The following ZNRF1 variants were observed in gnomAD, a reference collection of about 807,000 sequenced individuals.
ZNRF1 encodes the protein E3 ubiquitin-protein ligase ZNRF1.
A neutral mutation model predicts 18.4 loss-of-function variants in ZNRF1; 3 were observed. That is an observed-to-expected ratio of 0.16 (90% CI 0.07 to 0.42). The LOEUF is 0.42. Ranked by LOEUF, ZNRF1 falls within the 10% of genes least tolerant of loss-of-function variation. The probability of loss-of-function intolerance (pLI) is 0.99; values close to 1 mark genes in which losing one functional copy is unlikely to be tolerated. For missense variants in ZNRF1, 310 were observed against 329.8 expected (o/e 0.94, Z 0.47); for synonymous variants, 157 against 144.2 (o/e 1.09, Z -0.64).
chr16:75,071,975 G>A (rs1246185975), intron 1 of ZNRF1, among the ~76,000 whole-genome samples: 1 of 152,012 alleles, frequency 6.6e-6, no homozygotes, highest in Non-Finnish European at 1.5e-5. Flanking sequence ...TTGAGATAAG[G>A]TCTTTCCAGC....
intron 1 of ZNRF1, among the ~76,000 whole-genome samples, chr16:75,032,688 T>A (rs1349368505): frequency 6.6e-6 from 1 of 152,136 alleles, no homozygotes; most frequent in South Asian, 2.1e-4. Flanking sequence ...TATAAAAATG[T>A]CTTACAACTC....
chr16:75,076,642 A>G (rs1597897927), intron 1 of ZNRF1, among the ~76,000 whole-genome samples: 1 of 146,492 alleles, frequency 6.8e-6, no homozygotes, highest in African/African-American at 2.5e-5. Context: ...ACAGTTTTCA[A>G]TGGTTTCCCA....
chr16:75,057,724 C>G (rs182591566), intron 1 of ZNRF1, among the ~76,000 whole-genome samples: 5 of 152,346 alleles, frequency 3.3e-5, no homozygotes, highest in African/African-American at 7.2e-5. Context: ...CAACTTCCGT[C>G]TCCCGGGTTC....
At chr16:75,101,352 A>C (rs1217067744) in intron 2 of ZNRF1, among the ~76,000 whole-genome samples, 1 of 152,204 alleles carries the variant, frequency 6.6e-6, no homozygotes, top group Non-Finnish European at 1.5e-5. Flanking sequence ...TCAAGAGATC[A>C]AGACCATCCT....
intron 1 of ZNRF1, among the ~76,000 whole-genome samples, chr16:75,060,142 C>G (rs7187514): frequency 0.02 from 3,002 of 152,202 alleles, 126 homozygotes; most frequent in African/African-American, 0.069. Flanking sequence ...CAACCTCCGC[C>G]TCACAGGTTC....
chr16:75,024,763 A>G (rs547579481), intron 1 of ZNRF1, among the ~76,000 whole-genome samples: 32 of 152,336 alleles, frequency 2.1e-4, no homozygotes, highest in African/African-American at 6.5e-4. Flanking sequence ...CCAAATCAGT[A>G]TTTTCTGTCT....
At chr16:75,036,919 T>A (rs1484869063) in intron 1 of ZNRF1, among the ~76,000 whole-genome samples, 2 of 152,204 alleles carry the variant, frequency 1.3e-5, no homozygotes, top group African/African-American at 4.8e-5. Context: ...CTTTTATAGG[T>A]CCAGTTGTGT....
intron 1 of ZNRF1, among the ~76,000 whole-genome samples, chr16:75,042,570 T>A (rs1036415872): frequency 2.6e-5 from 4 of 152,144 alleles, no homozygotes; most frequent in Admixed American, 1.3e-4. Context: ...AGTGGTTTAT[T>A]TCTCGGCTTT....
chr16:75,106,741 G>C (rs2036320504), intron 4 of ZNRF1, 170 bp downstream of exon 4: 3 of 590,304 alleles, frequency 5.1e-6, no homozygotes, highest in Non-Finnish European at 9.1e-6. Context: ...GATTTTCCCT[G>C]GGAAGGACAA....
chr16:75,083,231 C>A (rs1398620324), intron 1 of ZNRF1, among the ~76,000 whole-genome samples: 1 of 152,192 alleles, frequency 6.6e-6, no homozygotes, highest in Non-Finnish European at 1.5e-5. Flanking sequence ...TTGGGCAGTA[C>A]TGGATGCAGC....
chr16:75,052,524 C>T (rs1411314578), intron 1 of ZNRF1, among the ~76,000 whole-genome samples: 1 of 152,110 alleles, frequency 6.6e-6, no homozygotes, highest in Admixed American at 6.6e-5. Context: ...CTGATTTTGA[C>T]CACTACCCTT....
intron 1 of ZNRF1, among the ~76,000 whole-genome samples, chr16:75,016,642 T>C (rs552827516): frequency 2.6e-5 from 4 of 151,636 alleles, no homozygotes; most frequent in South Asian, 2.1e-4. Context: ...TTCAAGCAAT[T>C]CTCATGCCAT....
chr16:75,064,670 T>C (rs2035781243), intron 1 of ZNRF1, among the ~76,000 whole-genome samples: 1 of 152,126 alleles, frequency 6.6e-6, no homozygotes, highest in Non-Finnish European at 1.5e-5. Context: ...TCTAGAAATG[T>C]GGGCTGCCGC....
intron 1 of ZNRF1, among the ~76,000 whole-genome samples, chr16:75,047,191 G>T (rs1295977273): frequency 6.6e-6 from 1 of 152,176 alleles, no homozygotes; most frequent in African/African-American, 2.4e-5. Context: ...TTTATTTTAA[G>T]AGATGGGGTC....
chr16:75,057,935 C>T (rs1222665051), intron 1 of ZNRF1, among the ~76,000 whole-genome samples: 1 of 152,154 alleles, frequency 6.6e-6, no homozygotes, highest in Non-Finnish European at 1.5e-5. Flanking sequence ...AGCCACCACG[C>T]CCACCCAGAA....
intron 1 of ZNRF1, among the ~76,000 whole-genome samples, chr16:75,051,591 C>G (rs1423764892): frequency 6.6e-6 from 1 of 151,592 alleles, no homozygotes; most frequent in Non-Finnish European, 1.5e-5. Flanking sequence ...GATCTCGGCT[C>G]ACTGCAATCT....
intron 1 of ZNRF1, among the ~76,000 whole-genome samples, chr16:75,010,128 G>A (rs1477882939): frequency 6.6e-6 from 1 of 151,936 alleles, no homozygotes; most frequent in Non-Finnish European, 1.5e-5. Context: ...GATTATAGGC[G>A]CCTACCATCA....
chr16:75,100,020 T>G (rs1193826765), intron 2 of ZNRF1, among the ~76,000 whole-genome samples: 1 of 152,214 alleles, frequency 6.6e-6, no homozygotes, highest in Non-Finnish European at 1.5e-5. Context: ...GGAAGAATGC[T>G]GCTCCCTGGG....
Position 75,108,023 on chromosome 16 carries a change from A to G in ZNRF1, c.*323A>G. 3.2e-6 allele frequency: 1 copy of G among 316,596 alleles called. No individual in the cohort carries two copies. Among genetic ancestry groups the G allele is most frequent in the Non-Finnish European group, 6.2e-6 (1 of 161,014 alleles). The allele number at this position is 316,596 out of a possible 1,614,324, so 19.6% of individuals were successfully genotyped here. A position where few individuals can be genotyped will look rare whatever the true frequency, so the allele number is the denominator to read the frequency against. ...TGTTTACAAAAAAAAATTATATAAA[A>G]AAAAAGTCTAGTGTCGACTGGTGTT... On this transcript the variant is annotated 3_prime_UTR_variant, in exon 5 of 5. Transcript: ENST00000335325.
Sources: gnomAD v4.1 joint callset for allele counts (sites outside exome capture counted in the v4.1 genomes callset) on GRCh38, gnomAD v4.1.1 for gene constraint, MANE v1.5 for transcripts, NCBI Gene and HGNC (gene_info 2026-07-23, HGNC 2026-07-21) for gene names.